Variants in SLCO4C1 observed in about 807,000 individuals in gnomAD.
SLCO4C1 encodes the protein solute carrier organic anion transporter family member 4C1, also known as organic anion transporter M1.
Under a neutral mutation model 72.1 loss-of-function variants are expected in SLCO4C1, and 58 were observed. The observed-to-expected ratio is 0.80, with a 90% CI of 0.65 to 1.00. The LOEUF (loss-of-function observed/expected upper bound fraction) is 1.00, where lower values mean the gene tolerates loss of function less well. Ranked by LOEUF, SLCO4C1 falls within the 50% of genes least tolerant of loss-of-function variation. The pLI is 0.00. For missense variants in SLCO4C1, 898 were observed against 857.9 expected (o/e 1.05, Z -0.58); for synonymous variants, 297 against 312.5 (o/e 0.95, Z 0.52).
At chr5:102,264,907 C>T (rs953204931) in intron 3 of SLCO4C1, among the ~76,000 whole-genome samples, 13 of 151,910 alleles carry the variant, frequency 8.6e-5, no homozygotes, top group Non-Finnish European at 1.6e-4. Flanking sequence ...TGACTTGTTT[C>T]ATTTAACAGG....
At position 102,236,543 on chromosome 5, in the gene SLCO4C1, C is replaced by T. The variant is rs369364837; in HGVS notation, c.*315G>A. On this transcript the variant is annotated 3_prime_UTR_variant, in exon 13 of 13. Coordinates refer to ENST00000310954, the MANE Select transcript of SLCO4C1 (RefSeq NM_180991.5). ...CTTGTTATTGCTTGAGGATTTCATA[C>T]CTAGACAATGGGAATAGGAAATAAG... is the stretch of plus-strand genomic sequence containing the variant. 73 of 173,906 alleles carry T rather than the reference C, an allele frequency of 4.2e-4. No individual in the cohort carries two copies. Among genetic ancestry groups the T allele is most frequent in the African/African-American group, 1.6e-3 (68 of 41,804 alleles). The allele number at this position is 173,906 out of a possible 1,614,324, so 10.8% of individuals were successfully genotyped here.
chr5:102,274,545 G>A (rs1284423358), intron 2 of SLCO4C1, among the ~76,000 whole-genome samples: 1 of 152,102 alleles, frequency 6.6e-6, no homozygotes, highest in Admixed American at 6.5e-5. Flanking sequence ...TTTCCCCTGG[G>A]CCTATCCTGC....
intron 2 of SLCO4C1, among the ~76,000 whole-genome samples, chr5:102,281,881 T>A (rs1341145496): frequency 6.6e-6 from 1 of 152,138 alleles, no homozygotes; most frequent in East Asian, 1.9e-4. Flanking sequence ...AATTTTCATA[T>A]GACCCAGCAG....
intron 6 of SLCO4C1, among the ~76,000 whole-genome samples, chr5:102,258,845 A>G (rs190229577): frequency 1.3e-5 from 2 of 152,120 alleles, no homozygotes; most frequent in East Asian, 3.9e-4. Context: ...AGGAGGAAAA[A>G]GTACCTAAAA....
intron 2 of SLCO4C1, among the ~76,000 whole-genome samples, chr5:102,285,212 T>TACATACACACAC (rs1749427460): frequency 6.8e-6 from 1 of 147,850 alleles, no homozygotes; most frequent in Admixed American, 6.7e-5. Flanking sequence ...TATATATACA[T>TACATACACACAC]ACACACACAC....
Position 102,267,028 on chromosome 5 carries a change from C to A in SLCO4C1, c.803-3248G>T, listed in dbSNP as rs577384424. On this transcript the variant is annotated intron_variant, in intron 3 of 12. Coordinates refer to ENST00000310954, the MANE Select transcript of SLCO4C1 (RefSeq NM_180991.5). ...TTGATGTGCCATTGAATTTGGCTAG[C>A]TATAATTTTGTTGAGGAATTTGTAT... 1.8e-4 allele frequency among the ~76,000 whole-genome samples: 27 copies of A among 152,196 alleles called. 1 individual carries two copies. The South Asian group carries it at 5.2e-3, about 29-fold the overall frequency.
At chr5:102,244,456 A>G (rs184575227) in intron 10 of SLCO4C1, among the ~76,000 whole-genome samples, 2 of 152,300 alleles carry the variant, frequency 1.3e-5, no homozygotes, top group African/African-American at 4.8e-5. Context: ...AGAGAAAAAG[A>G]TGGGTAAGAA....
Position 102,234,257 on chromosome 5 carries a change from A to G in SLCO4C1, c.*2601T>C, listed in dbSNP as rs1364781301. The G allele has an allele frequency of 1.3e-5, 2 of 152,650 alleles. No individual in the cohort carries two copies. The highest frequency in any genetic ancestry group is 2.9e-5 in the Non-Finnish European group (2 of 68,014). The allele number at this position is 152,650 out of a possible 1,614,324, so 9.5% of individuals were successfully genotyped here. On this transcript the variant is annotated 3_prime_UTR_variant, in exon 13 of 13. Coordinates refer to ENST00000310954, the MANE Select transcript of SLCO4C1 (RefSeq NM_180991.5). Reference sequence around the variant, plus strand: ...TAAGTCAAGCTTACTTAACAATCATAAATTACAAAAAACGCACTATGAATA... The same window carrying G: ...TAAGTCAAGCTTACTTAACAATCATGAATTACAAAAAACGCACTATGAATA...
intron 5 of SLCO4C1, among the ~76,000 whole-genome samples, 193 bp from the exon 6 acceptor site, chr5:102,260,512 A>T (rs567714082): frequency 6.6e-6 from 1 of 151,492 alleles, no homozygotes; most frequent in East Asian, 1.9e-4. Flanking sequence ...TTCTTCTGTT[A>T]ATAAAATTGT....
chr5:102,258,642 T>G (rs261098), intron 6 of SLCO4C1, among the ~76,000 whole-genome samples: 119,334 of 151,982 alleles, frequency 0.79, 47,285 homozygotes, highest in African/African-American at 0.9. Context: ...TGACAGAGGG[T>G]AGTATGGAGG....
chr5:102,256,997 A>G, intron 8 of SLCO4C1, 118 bp downstream of exon 8: 1 of 730,054 alleles, frequency 1.4e-6, no homozygotes, highest in Admixed American at 4.0e-5. Flanking sequence ...TTACATAGGA[A>G]AAAAGGTCTT....
intron 2 of SLCO4C1, among the ~76,000 whole-genome samples, chr5:102,281,777 TAAA>T (rs1749361019): frequency 6.6e-6 from 1 of 152,108 alleles, no homozygotes; most frequent in Admixed American, 6.5e-5. Context: ...AGGATTCAAA[TAAA>T]CCGAGTCACT....
chr5:102,280,984 T>C (rs1442110910), intron 2 of SLCO4C1, among the ~76,000 whole-genome samples: 1 of 152,038 alleles, frequency 6.6e-6, no homozygotes, highest in African/African-American at 2.4e-5. Context: ...AAAATTTATA[T>C]AGAAATAAAA....
chr5:102,268,526 G>A (rs946974942), intron 3 of SLCO4C1, among the ~76,000 whole-genome samples: 9 of 152,038 alleles, frequency 5.9e-5, no homozygotes, highest in African/African-American at 2.2e-4. Flanking sequence ...GGCAGCATAT[G>A]GTTAGATATA....
intron 3 of SLCO4C1, among the ~76,000 whole-genome samples, chr5:102,266,540 C>T (rs3114665): frequency 0.35 from 52,539 of 151,870 alleles, 9,437 homozygotes; most frequent in East Asian, 0.54. Context: ...ATCCCAGCTA[C>T]TTGGGAGGCT....
chr5:102,257,224 T>A lies in SLCO4C1; in HGVS notation c.1360A>T (p.Met454Leu). 6.2e-7 allele frequency: 1 copy of A among 1,611,714 alleles called. No homozygotes were observed. Among genetic ancestry groups the A allele is most frequent in the Non-Finnish European group, 8.5e-7 (1 of 1,179,062 alleles). Residue 454 changes from methionine (M) to leucine (L), a missense_variant, in exon 8 of 13, where the codon ATG becomes TTG. Met to Leu is a conservative substitution (Grantham distance 15). Transcript: ENST00000310954. ...SKFRMTCKNT[M>L]KFALFTSGVA... is the part of the protein sequence containing the mutation. The stretch of plus-strand genomic sequence containing the variant: ...CCAGATGTGAACAGTGCAAACTTCA[T>A]TGTGTTTTTACATGTCATTCTGAAT...
intron 2 of SLCO4C1, among the ~76,000 whole-genome samples, chr5:102,279,236 T>TTA: frequency 6.6e-6 from 1 of 151,874 alleles, no homozygotes. Context: ...ATTTGACAAC[T>TTA]TAGATGAAAT....
chr5:102,290,300 C>T (rs1244126963), intron 2 of SLCO4C1, among the ~76,000 whole-genome samples: 1 of 152,210 alleles, frequency 6.6e-6, no homozygotes, highest in Non-Finnish European at 1.5e-5. Flanking sequence ...ATTCTTCTGC[C>T]TCAGTCTTCC....
At chr5:102,279,089 C>T (rs1749307158) in intron 2 of SLCO4C1, among the ~76,000 whole-genome samples, 1 of 151,626 alleles carries the variant, frequency 6.6e-6, no homozygotes, top group Non-Finnish European at 1.5e-5. Context: ...CTACATCTAG[C>T]AAGACTGACA....
Sources: gnomAD v4.1 joint callset for allele counts (sites outside exome capture counted in the v4.1 genomes callset) on GRCh38, gnomAD v4.1.1 for gene constraint, MANE v1.5 for transcripts, NCBI Gene and HGNC (gene_info 2026-07-23, HGNC 2026-07-21) for gene names.